Variants in TSGA10 observed in about 807,000 individuals in gnomAD.
The protein encoded by TSGA10 is testis-specific gene 10 protein.
A neutral mutation model predicts 96.6 loss-of-function variants in TSGA10; 43 were observed. The ratio of observed to expected loss-of-function variants is 0.44; its 90% CI spans 0.35 to 0.57. The LOEUF is 0.57. Ranked by LOEUF, TSGA10 falls within the 20% of genes least tolerant of loss-of-function variation. The probability of loss-of-function intolerance (pLI) is 0.01; values close to 1 mark genes in which losing one functional copy is unlikely to be tolerated. For missense variants in TSGA10, 703 were observed against 834.4 expected (o/e 0.84, Z 1.94); for synonymous variants, 229 against 269.9 (o/e 0.85, Z 1.48).
chr2:99,001,318 G>C (rs557657515), intron 20 of TSGA10, among the ~76,000 whole-genome samples: 1 of 152,164 alleles, frequency 6.6e-6, no homozygotes, highest in African/African-American at 2.4e-5. Context: ...TGCAGCCTCC[G>C]CTGGTGATAC....
intron 12 of TSGA10, among the ~76,000 whole-genome samples, chr2:99,077,095 CACTAGAG>C (rs1301026416): frequency 1.4e-5 from 2 of 145,492 alleles, no homozygotes; most frequent in East Asian, 4.1e-4. Context: ...CTCCTTATTA[CACTAGAG>C]GCTTTGAGAA....
intron 20 of TSGA10, among the ~76,000 whole-genome samples, chr2:98,999,907 T>C (rs1444467267): frequency 6.6e-6 from 1 of 152,138 alleles, no homozygotes; most frequent in African/African-American, 2.4e-5. Context: ...TGCCACCATA[T>C]CTGGCTAATT....
At chr2:99,093,468 TTGCTGA>T (rs1260754500) in intron 10 of TSGA10, among the ~76,000 whole-genome samples, 1 of 152,162 alleles carries the variant, frequency 6.6e-6, no homozygotes, top group Non-Finnish European at 1.5e-5. Flanking sequence ...CTGTCACTGT[TTGCTGA>T]TGATATGATC....
intron 10 of TSGA10, among the ~76,000 whole-genome samples, chr2:99,094,877 G>T (rs1574284654): frequency 6.6e-6 from 1 of 152,132 alleles, no homozygotes; most frequent in Non-Finnish European, 1.5e-5. Context: ...AAAACCATTT[G>T]ATCCAGCAAT....
At chr2:99,139,724 T>G (rs1374865988) in intron 1 of TSGA10, among the ~76,000 whole-genome samples, 1 of 152,146 alleles carries the variant, frequency 6.6e-6, no homozygotes, top group African/African-American at 2.4e-5. Flanking sequence ...AAAAAAATGT[T>G]GAGTAAAGAA....
At chr2:99,118,450 C>CAAAA in intron 3 of TSGA10, 101 bp downstream of exon 3, 10 of 262,966 alleles carry the variant, frequency 3.8e-5, no homozygotes, top group Non-Finnish European at 5.1e-5. Flanking sequence ...GACTCTATCT[C>CAAAA]AAAAAAAAAA....
At chr2:99,039,123 T>A (rs2081950823) in intron 16 of TSGA10, among the ~76,000 whole-genome samples, 1 of 152,048 alleles carries the variant, frequency 6.6e-6, no homozygotes, top group Admixed American at 6.6e-5. Context: ...TCAAAACCTC[T>A]GGGATACAGC....
At chr2:99,037,912 C>T (rs2081797236) in intron 16 of TSGA10, among the ~76,000 whole-genome samples, 1 of 151,854 alleles carries the variant, frequency 6.6e-6, no homozygotes, top group African/African-American at 2.4e-5. Flanking sequence ...GAGGCAAAAG[C>T]ATCCAGTAAC....
At chr2:99,074,044 C>CTTTTTTTTTTTTTTTTTTTTTTTTTT (rs1249330500) in intron 12 of TSGA10, among the ~76,000 whole-genome samples, 1 of 45,428 alleles carries the variant, frequency 2.2e-5, no homozygotes. Context: ...TGGAGTTTTG[C>CTTTTTTTTTTTTTTTTTTTTTTTTTT]TCTTGATGCC....
At chr2:99,109,561 C>T (rs2091635456) in intron 5 of TSGA10, 49 bp from the exon 6 acceptor site, 8 of 1,398,438 alleles carry the variant, frequency 5.7e-6, no homozygotes, top group Non-Finnish European at 7.5e-6. Flanking sequence ...AATTATCTTG[C>T]CAAAGAGGAA....
chr2:99,037,570 C>T (rs1195144973), intron 16 of TSGA10, among the ~76,000 whole-genome samples: 1 of 152,024 alleles, frequency 6.6e-6, no homozygotes, highest in Non-Finnish European at 1.5e-5. Context: ...ATAACCTGGC[C>T]GGGTGTGGTG....
chr2:99,108,865 C>A lies in TSGA10; in HGVS notation c.178G>T (p.Glu60Ter). 1 of 1,586,858 alleles carries A rather than the reference C, an allele frequency of 6.3e-7. No homozygotes were observed. The change falls in exon 7 of 21, where the codon GAG becomes TAG. Residue 60 changes from glutamate to a stop codon, truncating the protein, a stop_gained. Transcript: ENST00000393483. LOFTEE classifies it high-confidence loss of function. Reference protein sequence around the residue: ...IQGNVKVLKSERDKIFLLYEQ... With the variant: ...IQGNVKVLKS Reference sequence around the variant, plus strand: ...TAAAGAAGGAAGATCTTGTCTCTCTCAGATTTAAGAACCTTGACATTACCC... The same window carrying A: ...TAAAGAAGGAAGATCTTGTCTCTCTAAGATTTAAGAACCTTGACATTACCC...
At chr2:99,115,359 A>T (rs1199914340) in intron 4 of TSGA10, among the ~76,000 whole-genome samples, 1 of 152,312 alleles carries the variant, frequency 6.6e-6, no homozygotes, top group Non-Finnish European at 1.5e-5. Context: ...GTTAAAAAAA[A>T]TTTTAAAGTA....
At chr2:99,070,257 T>C (rs923615009) in intron 14 of TSGA10, among the ~76,000 whole-genome samples, 3 of 152,108 alleles carry the variant, frequency 2.0e-5, no homozygotes, top group Admixed American at 6.6e-5. Flanking sequence ...AGTAAGTGCT[T>C]TCCAGGTATA....
chr2:99,078,577 G>C (rs1466891773), intron 12 of TSGA10, 82 bp downstream of exon 12: 67 of 1,334,508 alleles, frequency 5.0e-5, no homozygotes, highest in Admixed American at 7.6e-5. Flanking sequence ...ATTTTATTCA[G>C]ATTCTAGTTC....
chr2:99,126,255 T>C (rs1045851337), intron 2 of TSGA10: 1 of 152,406 alleles, frequency 6.6e-6, no homozygotes, highest in African/African-American at 2.4e-5. Flanking sequence ...TGGTATTTGC[T>C]TGGAGTGGAT....
chr2:99,137,920 G>C (rs957923153), intron 1 of TSGA10, among the ~76,000 whole-genome samples: 79 of 148,766 alleles, frequency 5.3e-4, no homozygotes, highest in Admixed American at 1.3e-4. Flanking sequence ...GCCATGATGA[G>C]TTGCCTGTAT....
chr2:99,006,624 T>C (rs571771338), intron 20 of TSGA10, among the ~76,000 whole-genome samples: 1 of 152,286 alleles, frequency 6.6e-6, no homozygotes, highest in African/African-American at 2.4e-5. Context: ...ATAATGGCGA[T>C]CATTAAAGAG....
chr2:99,132,954 C>T (rs186282563), intron 1 of TSGA10, among the ~76,000 whole-genome samples: 5 of 152,030 alleles, frequency 3.3e-5, no homozygotes, highest in African/African-American at 7.2e-5. Context: ...CTGTGGTCTG[C>T]GAGACTGTTA....
Sources: gnomAD v4.1 joint callset for allele counts (sites outside exome capture counted in the v4.1 genomes callset) on GRCh38, gnomAD v4.1.1 for gene constraint, MANE v1.5 for transcripts, NCBI Gene and HGNC (gene_info 2026-07-23, HGNC 2026-07-21) for gene names.